CALN1: variants seen among roughly 807,000 people sequenced by gnomAD.
CALN1 encodes calcium-binding protein 8.
Under a neutral mutation model 30.6 loss-of-function variants are expected in CALN1, and 17 were observed. That is an observed-to-expected ratio of 0.56 (90% CI 0.38 to 0.83). The LOEUF is 0.83. Ranked by LOEUF, CALN1 falls within the 40% of genes least tolerant of loss-of-function variation. The pLI, the probability that CALN1 is intolerant of heterozygous loss-of-function variation, is 0.00. For synonymous variants in CALN1, 156 were observed against 131.4 expected (o/e 1.19, Z -1.28); for missense variants, 291 against 354.9 (o/e 0.82, Z 1.45).
intron 5 of CALN1, among the ~76,000 whole-genome samples, chr7:71,931,087 A>C (rs1795525873): frequency 6.6e-6 from 1 of 152,256 alleles, no homozygotes. Flanking sequence ...ATTTCCAAAA[A>C]TACTTGTATT....
chr7:72,456,996 CTT>C, the CALN1 span, among the ~76,000 whole-genome samples: 1 of 136,332 alleles, frequency 7.3e-6, no homozygotes, highest in African/African-American at 2.7e-5. Context: ...TTTTCTTTTT[CTT>C]TCTTTCTTTT....
intron 5 of CALN1, among the ~76,000 whole-genome samples, chr7:71,833,933 A>G (rs1789444144): frequency 6.6e-6 from 1 of 152,020 alleles, no homozygotes; most frequent in Non-Finnish European, 1.5e-5. Context: ...AAATCTTAAA[A>G]GTTAAATTGG....
At chr7:72,305,469 C>G (rs139552249) in intron 2 of CALN1, among the ~76,000 whole-genome samples, 2 of 152,296 alleles carry the variant, frequency 1.3e-5, no homozygotes, top group East Asian at 1.9e-4. Context: ...AAGATCCCCA[C>G]GTAAAGTGGT....
chr7:72,093,426 G>A (rs1355295840), intron 4 of CALN1, among the ~76,000 whole-genome samples: 1 of 152,194 alleles, frequency 6.6e-6, no homozygotes, highest in Non-Finnish European at 1.5e-5. Flanking sequence ...GTGGGATTCT[G>A]AGATTGGTTT....
chr7:71,856,887 G>A (rs1183919008), intron 5 of CALN1, among the ~76,000 whole-genome samples: 5 of 152,198 alleles, frequency 3.3e-5, no homozygotes, highest in South Asian at 2.1e-4. Flanking sequence ...CCTGGGAGGC[G>A]GAGGTTGCAG....
intron 1 of CALN1, among the ~76,000 whole-genome samples, chr7:72,446,304 A>G (rs1808524665): frequency 6.6e-6 from 1 of 152,188 alleles, no homozygotes; most frequent in African/African-American, 2.4e-5. Context: ...ACACAATGCA[A>G]TGTACAAAGA....
chr7:72,039,579 A>G (rs2129533545), intron 4 of CALN1, among the ~76,000 whole-genome samples: 1 of 152,360 alleles, frequency 6.6e-6, no homozygotes, highest in East Asian at 1.9e-4. Flanking sequence ...GACCCAGTCT[A>G]GTAAACCTAG....
intron 5 of CALN1, among the ~76,000 whole-genome samples, chr7:71,995,241 A>T (rs770011382): frequency 1.3e-5 from 2 of 152,110 alleles, no homozygotes; most frequent in Non-Finnish European, 2.9e-5. Flanking sequence ...ATGAAGAGAG[A>T]AGGGAAGACA....
chr7:72,242,111 G>T (rs992324760), intron 3 of CALN1, among the ~76,000 whole-genome samples: 2 of 152,126 alleles, frequency 1.3e-5, no homozygotes, highest in Non-Finnish European at 2.9e-5. Context: ...GGACCTCATA[G>T]AAATGGAATC....
chr7:72,289,480 T>G (rs773267889), intron 2 of CALN1, among the ~76,000 whole-genome samples: 1 of 152,226 alleles, frequency 6.6e-6, no homozygotes, highest in Non-Finnish European at 1.5e-5. Flanking sequence ...CTGGTAAATG[T>G]TTAGCACTTG....
At chr7:72,406,983 A>G (rs1239097880) in intron 1 of CALN1, among the ~76,000 whole-genome samples, 3 of 152,106 alleles carry the variant, frequency 2.0e-5, no homozygotes, top group Non-Finnish European at 4.4e-5. Context: ...CCCCTGGAAC[A>G]CTGCCCAGTC....
At chr7:72,293,001 G>A (rs1485182841) in intron 2 of CALN1, among the ~76,000 whole-genome samples, 1 of 151,978 alleles carries the variant, frequency 6.6e-6, no homozygotes, top group African/African-American at 2.4e-5. Flanking sequence ...TGGGGGGCAG[G>A]GAGGTTCCTG....
intron 1 of CALN1, among the ~76,000 whole-genome samples, chr7:72,404,399 A>G (rs1562952059): frequency 6.6e-6 from 1 of 152,190 alleles, no homozygotes; most frequent in South Asian, 2.1e-4. Flanking sequence ...CTTTGGTTTC[A>G]TTGAAGGTAA....
chr7:72,257,370 A>G (rs1795983084), intron 3 of CALN1, among the ~76,000 whole-genome samples: 1 of 152,172 alleles, frequency 6.6e-6, no homozygotes. Flanking sequence ...GTGACTGTTT[A>G]AAACTTGCCC....
At chr7:72,125,598 T>G (rs942123138) in intron 3 of CALN1, among the ~76,000 whole-genome samples, 6 of 152,290 alleles carry the variant, frequency 3.9e-5, no homozygotes, top group Admixed American at 2.6e-4. Context: ...AGGAACAGGT[T>G]ACAGTGTTTT....
At chr7:72,103,064 T>A in intron 4 of CALN1, 1 of 85,286 alleles carries the variant, frequency 1.2e-5, no homozygotes, top group Non-Finnish European at 2.1e-5. Context: ...AGAGCGAGAC[T>A]CCGTCAAAAA....
At chr7:72,151,559 T>C (rs1229642445) in intron 3 of CALN1, among the ~76,000 whole-genome samples, 2 of 151,838 alleles carry the variant, frequency 1.3e-5, no homozygotes, top group Non-Finnish European at 2.9e-5. Context: ...CATTCAGGAG[T>C]CTATCATCAG....
the CALN1 span, among the ~76,000 whole-genome samples, chr7:72,488,608 G>T: frequency 6.6e-6 from 1 of 152,014 alleles, no homozygotes; most frequent in South Asian, 2.1e-4. Context: ...TGGAGCACGT[G>T]CCTTGGACCA....
intron 3 of CALN1, among the ~76,000 whole-genome samples, chr7:72,142,606 C>G (rs1311290368): frequency 1.3e-5 from 2 of 152,218 alleles, no homozygotes; most frequent in African/African-American, 2.4e-5. Flanking sequence ...ATGTTCCAGT[C>G]TGACATCTTG....
Sources: gnomAD v4.1 joint callset for allele counts (sites outside exome capture counted in the v4.1 genomes callset) on GRCh38, gnomAD v4.1.1 for gene constraint, MANE v1.5 for transcripts, NCBI Gene and HGNC (gene_info 2026-07-23, HGNC 2026-07-21) for gene names.